ZIC4: variants seen among roughly 807,000 people sequenced by gnomAD.
ZIC4 encodes Zic family zinc finger 4.
In ZIC4, 15 loss-of-function variants were observed where a neutral mutation model predicts 28.8. That is an observed-to-expected ratio of 0.52 (90% CI 0.35 to 0.80). ZIC4 has a LOEUF of 0.80. Among genes scored for constraint, ZIC4 ranks in the 30% least tolerant of loss-of-function variants. The probability of loss-of-function intolerance (pLI) is 0.01; values close to 1 mark genes in which losing one functional copy is unlikely to be tolerated. For synonymous variants in ZIC4, 220 were observed against 198.1 expected (o/e 1.11, Z -0.93); for missense variants, 512 against 467.1 (o/e 1.10, Z -0.89).
rs2086841677 is a variant in ZIC4 at position 147,388,641 on chromosome 3, T to C, written c.*218A>G. Reference sequence around the variant, plus strand: ...AGAAAAAAGGTCTGTTAGACGTAAATATTATGTCCTTAATGAAAAGCCTGG... The same window carrying C: ...AGAAAAAAGGTCTGTTAGACGTAAACATTATGTCCTTAATGAAAAGCCTGG... On this transcript the variant is annotated 3_prime_UTR_variant, in exon 5 of 5. Transcript: ENST00000383075. 1.9e-6 allele frequency: 1 copy of C among 540,024 alleles called. No individual in the cohort carries two copies. The highest frequency in any genetic ancestry group is 1.9e-5 in the African/African-American group (1 of 52,482). 33.5% of individuals were successfully genotyped at this position (540,024 alleles called of 1,614,324 possible). A position where few individuals can be genotyped will look rare whatever the true frequency, so the allele number is the denominator to read the frequency against.
chr3:147,386,704 G>T lies in ZIC4; in HGVS notation c.*2155C>A, dbSNP rs2086803426. ...ATATAAAATGAACAACTTCACACGT[G>T]AATGAAGGGAAGGATGGGCATTTAC... On this transcript the variant is annotated 3_prime_UTR_variant, in exon 5 of 5. Transcript: ENST00000383075. The T allele has an allele frequency of 6.6e-6, 1 of 152,252 alleles. No individual in the cohort carries two copies. Among genetic ancestry groups the T allele is most frequent in the Non-Finnish European group, 1.5e-5 (1 of 68,052 alleles). The allele number at this position is 152,252 out of a possible 1,614,324, so 9.4% of individuals were successfully genotyped here.
At position 147,388,922 on chromosome 3, in the gene ZIC4, C is replaced by T; in HGVS notation, c.*-63G>A. ...GCCGACCAAACATTTTGTTTTATTTCATTATTTTAGATTGAGATAGAAAGC... is the reference window on the plus strand; with the variant it reads ...GCCGACCAAACATTTTGTTTTATTTTATTATTTTAGATTGAGATAGAAAGC... On this transcript the variant is annotated intron_variant, in intron 4 of 4. Transcript: ENST00000383075. 8 of 774,194 alleles carry T rather than the reference C, an allele frequency of 1.0e-5. No individual in the cohort carries two copies. In the South Asian group the frequency reaches 1.1e-4, roughly 11 times the overall value. 48.0% of individuals were successfully genotyped at this position (774,194 alleles called of 1,614,324 possible).
chr3:147,404,799 T>C lies in ZIC4; in HGVS notation c.-16+1564A>G, dbSNP rs1450978283. ...TTTTATTTGGGGGAGCCTCGGAAGC[T>C]GCAAATTGTGGGGCCGACCTAGCCG... On this transcript the variant is annotated intron_variant, in intron 1 of 4. Transcript: ENST00000383075. Among the ~76,000 whole-genome samples the C allele has an allele frequency of 2.0e-5, 3 of 152,160 alleles. No individual in the cohort carries two copies. The East Asian group carries it at 5.8e-4, about 29-fold the overall frequency.
chr3:147,402,692 C>G (rs775538972), intron 2 of ZIC4, 36 bp downstream of exon 2: 26 of 1,526,166 alleles, frequency 1.7e-5, no homozygotes, highest in African/African-American at 8.4e-5. Context: ...GAAAAGAAAC[C>G]AGCAAACCAA....
chr3:147,392,364 C>G, intron 3 of ZIC4: 1 of 985,488 alleles, frequency 1.0e-6, no homozygotes, highest in Non-Finnish European at 1.2e-6. Flanking sequence ...CGAGGGAAGG[C>G]GCGAGTGCAC....
chr3:147,390,852 AGCAGGGCCAGGTG>A (rs959792360), intron 4 of ZIC4, 66 bp downstream of exon 4: 1 of 1,492,528 alleles, frequency 6.7e-7, no homozygotes, highest in African/African-American at 1.4e-5. Context: ...CGGCGGCAGC[AGCAGGGCCAGGTG>A]GTAGCTCGGG....
In ZIC4 at chr3:147,391,162, T is replaced by C; in HGVS notation, c.773A>G (p.His258Arg). The change falls in exon 4 of 5, where the codon CAC (histidine) becomes CGC (arginine). Residue 258 changes from histidine to arginine, a missense_variant. Transcript: ENST00000383075. ...SSDRKKHSHV[H>R]TSDKPYTCKV... is the part of the protein sequence containing the mutation. The stretch of plus-strand genomic sequence containing the variant: ...GCACGTGTATGGCTTGTCGCTAGTG[T>C]GCACGTGCGAATGCTTCTTACGGTC... 1.2e-6 allele frequency: 2 copies of C among 1,611,794 alleles called. No individual in the cohort carries two copies. Among genetic ancestry groups the C allele is most frequent in the Middle Eastern group, 1.7e-4 (1 of 6,054 alleles).
intron 1 of ZIC4, chr3:147,405,738 G>A: frequency 1.9e-6 from 1 of 529,626 alleles, no homozygotes; most frequent in South Asian, 2.1e-5. Flanking sequence ...GGACCAGGGT[G>A]AGGGAGGGCA....
At position 147,396,323 on chromosome 3, in the gene ZIC4, C is replaced by A. The variant is rs771797491; in HGVS notation, c.217G>T (p.Ala73Ser). The change falls in exon 3 of 5, where the codon GCG becomes TCG. Residue 73 changes from alanine to serine, a missense_variant. Ala to Ser is a moderately conservative substitution (Grantham distance 99). This residue lies in a region of ZIC4 where 310 missense variants were observed against 256.5 expected (regional missense o/e 1.21). Transcript: ENST00000383075. The surrounding 1 kb of genome is among the most constrained non-coding windows in gnomAD (Gnocchi z 4.2). The part of the protein sequence containing the change: ...LRLGLPGDMY[A>S]RPEPFPPGPA... ...CCTGGCGGGAAGGGCTCCGGCCGCG[C>A]GTACATGTCTCCAGGGAGCCCCAGA... is the stretch of plus-strand genomic sequence containing the variant. 1.3e-6 allele frequency: 2 copies of A among 1,593,138 alleles called. No homozygotes were observed. Among genetic ancestry groups the A allele is most frequent in the Admixed American group, 1.8e-5 (1 of 56,744 alleles).
At position 147,404,327 on chromosome 3, in the gene ZIC4, C is replaced by T. The variant is rs903888112; in HGVS notation, c.-15-1515G>A. On this transcript the variant is annotated intron_variant, in intron 1 of 4. Coordinates refer to ENST00000383075, the MANE Select transcript of ZIC4 (RefSeq NM_032153.6). ...CTTTTGTGCACTACAGACCCATAGA[C>T]ATGCAAACAAATATTGCAGAGATTG... 40 of 1,321,736 alleles carry T rather than the reference C, an allele frequency of 3.0e-5. No homozygotes were observed. In the African/African-American group the frequency reaches 5.2e-4, roughly 17 times the overall value. The allele number at this position is 1,321,736 out of a possible 1,614,324, so 81.9% of individuals were successfully genotyped here.
chr3:147,399,231 T>A (rs1576462146), intron 2 of ZIC4, among the ~76,000 whole-genome samples: 1 of 152,284 alleles, frequency 6.6e-6, no homozygotes, highest in African/African-American at 2.4e-5. Flanking sequence ...CATGGTTTAC[T>A]CCTCCACCAA....
At chr3:147,392,090 C>A (rs1297051007) in intron 3 of ZIC4, 1 of 985,610 alleles carries the variant, frequency 1.0e-6, no homozygotes, top group Non-Finnish European at 1.2e-6. Flanking sequence ...CACTGACTTG[C>A]GATGTCGACC....
At chr3:147,391,633 A>T (rs1316465968) in intron 3 of ZIC4, 1 of 171,946 alleles carries the variant, frequency 5.8e-6, no homozygotes, top group South Asian at 1.9e-4. Context: ...CTCACAATAT[A>T]GTTAACGGGG....
Position 147,391,224 on chromosome 3 carries a change from C to G in ZIC4, c.711G>C (p.Glu237Asp). Residue 237 changes from glutamate to aspartate, a missense_variant, in exon 4 of 5, where the codon GAG becomes GAC. By Grantham distance (45) the Glu-to-Asp change is conservative. Around this residue, in one of 3 missense-constraint regions of ZIC4, gnomAD observed 58 missense variants for 93.8 expected, o/e 0.62. Coordinates refer to ENST00000383075, the MANE Select transcript of ZIC4 (RefSeq NM_032153.6). ...THTGEKPFRC[E>D]FEGCERRFAN... ...CGAAGCGCCGCTCGCAGCCCTCGAA[C>G]TCGCATCTGAAGGGCTTCTCGCCTG... The G allele has an allele frequency of 1.2e-6, 2 of 1,600,266 alleles. No individual in the cohort carries two copies. Among genetic ancestry groups the G allele is most frequent in the South Asian group, 1.1e-5 (1 of 89,714 alleles).
At position 147,406,497 on chromosome 3, in the gene ZIC4, G is replaced by A. The variant is rs1442645087; in HGVS notation, c.-150C>T. 1 of 152,552 alleles carries A rather than the reference G, an allele frequency of 6.6e-6. No homozygotes were observed. Among genetic ancestry groups the A allele is most frequent in the African/African-American group, 2.4e-5 (1 of 41,412 alleles). The allele number at this position is 152,552 out of a possible 1,614,324, so 9.4% of individuals were successfully genotyped here. Reference sequence around the variant, plus strand: ...GTCATCCTTCACTTCTCCTTTTCCAGCTTTCAGGAAGCAGTTAGGGAATGT... The same window carrying A: ...GTCATCCTTCACTTCTCCTTTTCCAACTTTCAGGAAGCAGTTAGGGAATGT... On this transcript the variant is annotated 5_prime_UTR_variant, in exon 1 of 5. Transcript: ENST00000383075.
intron 2 of ZIC4, among the ~76,000 whole-genome samples, chr3:147,400,812 A>G (rs1392480414): frequency 6.6e-6 from 1 of 152,148 alleles, no homozygotes; most frequent in Non-Finnish European, 1.5e-5. Flanking sequence ...GGCTACAGAG[A>G]TTATCAATTG....
intron 1 of ZIC4, chr3:147,404,386 C>T (rs779272906): frequency 7.8e-5 from 74 of 944,412 alleles, no homozygotes; most frequent in Non-Finnish European, 2.7e-5. Flanking sequence ...TTAGGAGGCT[C>T]TCTGTAGCGT....
chr3:147,393,889 A>G (rs2086981777), intron 3 of ZIC4: 2 of 456,574 alleles, frequency 4.4e-6, no homozygotes, highest in Admixed American at 2.3e-5. Flanking sequence ...GACCGCCACA[A>G]AGTGAATCCT....
rs1432845145 is a variant in ZIC4, at chr3:147,403,898, G to A, written c.-15-1086C>T. On this transcript the variant is annotated intron_variant, in intron 1 of 4. Coordinates refer to ENST00000383075, the MANE Select transcript of ZIC4 (RefSeq NM_032153.6). The stretch of plus-strand genomic sequence containing the variant: ...CAACCAGAATTCCAACTGGCTTGGC[G>A]GCTTTTACCCTTCCATCTCCCCTCT... The A allele has an allele frequency of 1.5e-5, 22 of 1,448,408 alleles. 1 individual carries two copies. The highest frequency in any genetic ancestry group is 8.4e-5 in the South Asian group (6 of 71,188). 89.7% of individuals were successfully genotyped at this position (1,448,408 alleles called of 1,614,324 possible). A position where few individuals can be genotyped will look rare whatever the true frequency, so the allele number is the denominator to read the frequency against.
Sources: gnomAD v4.1 joint callset for allele counts (sites outside exome capture counted in the v4.1 genomes callset) on GRCh38, gnomAD v4.1.1 for gene constraint, gnomAD v4.1.1 regional missense constraint, Gnocchi (gnomAD v3.1) non-coding constraint, MANE v1.5 for transcripts, NCBI Gene and HGNC (gene_info 2026-07-23, HGNC 2026-07-21) for gene names.